NCOA7: variants seen among roughly 807,000 people sequenced by gnomAD.
The protein encoded by NCOA7 is 140 kDa estrogen receptor-associated protein.
A neutral mutation model predicts 104.3 loss-of-function variants in NCOA7; 45 were observed. That is an observed-to-expected ratio of 0.43 (90% CI 0.34 to 0.55). The LOEUF is 0.55. Ranked by LOEUF, NCOA7 falls within the 20% of genes least tolerant of loss-of-function variation. NCOA7 has a pLI of 0.02. For missense variants in NCOA7, 1,041 were observed against 1,119.7 expected (o/e 0.93, Z 1.00); for synonymous variants, 398 against 402.3 (o/e 0.99, Z 0.13).
At chr6:125,911,152 G>A (rs1427072405) in intron 10 of NCOA7, among the ~76,000 whole-genome samples, 1 of 152,216 alleles carries the variant, frequency 6.6e-6, no homozygotes, top group Non-Finnish European at 1.5e-5. Flanking sequence ...GAATGTGGAG[G>A]TCAAAAGAGC....
rs770852055 is a variant in NCOA7, at chr6:125,855,187, G to A, written c.218G>A (p.Ser73Asn). ...YMTDEKKKRK[S>N]NQLKEIRRTE... ...ACTGATGAGAAAAAAAAGAGAAAAA[G>A]TAATCAGTTAAAGGAGATCAGGCGT... Residue 73 changes from serine (S) to asparagine (N), a missense_variant, in exon 3 of 16, where the codon AGT becomes AAT. By Grantham distance (46) the Ser-to-Asn change is conservative. This residue lies in a region of NCOA7 where 914 missense variants were observed against 942.7 expected (regional missense o/e 0.97). Transcript: ENST00000392477. The A allele has an allele frequency of 9.9e-6, 16 of 1,612,868 alleles. No individual in the cohort carries two copies. Among genetic ancestry groups the A allele is most frequent in the Non-Finnish European group, 1.2e-5 (14 of 1,179,854 alleles).
intron 9 of NCOA7, 84 bp downstream of exon 9, chr6:125,890,065 CAT>C: frequency 1.2e-5 from 12 of 1,018,998 alleles, no homozygotes; most frequent in Middle Eastern, 3.3e-4. Flanking sequence ...CACATTAGTA[CAT>C]TTATTTGAAA....
intron 3 of NCOA7, among the ~76,000 whole-genome samples, chr6:125,870,951 T>G (rs1202934160): frequency 1.3e-5 from 2 of 152,150 alleles, no homozygotes; most frequent in Non-Finnish European, 2.9e-5. Context: ...GAAGGACCTG[T>G]GTTTTATTCC....
intron 2 of NCOA7, among the ~76,000 whole-genome samples, chr6:125,821,772 T>C (rs1778209035): frequency 6.6e-6 from 1 of 151,890 alleles, no homozygotes; most frequent in Non-Finnish European, 1.5e-5. Flanking sequence ...GTGATCCACT[T>C]TACTCCCTAA....
At chr6:125,901,038 A>G (rs1583498462) in intron 10 of NCOA7, among the ~76,000 whole-genome samples, 1 of 152,276 alleles carries the variant, frequency 6.6e-6, no homozygotes, top group East Asian at 1.9e-4. Flanking sequence ...TCAGAATGGA[A>G]CCCCCAGAAG....
intron 1 of NCOA7, among the ~76,000 whole-genome samples, chr6:125,806,548 C>T (rs1312874432): frequency 2.6e-5 from 4 of 151,984 alleles, no homozygotes. Flanking sequence ...CTTGATTTTC[C>T]TCTTAATAGT....
At chr6:125,852,974 G>T (rs1242993707) in intron 2 of NCOA7, among the ~76,000 whole-genome samples, 1 of 152,120 alleles carries the variant, frequency 6.6e-6, no homozygotes, top group Non-Finnish European at 1.5e-5. Flanking sequence ...AATGATGTTG[G>T]TATTTTGATA....
intron 1 of NCOA7, chr6:125,802,374 G>C (rs969336802): frequency 2.0e-5 from 3 of 152,190 alleles, no homozygotes; most frequent in Non-Finnish European, 4.4e-5. Context: ...CTTGGCAAAG[G>C]TTAAGCCGGA....
chr6:125,882,485 TGAA>T lies in NCOA7; in HGVS notation c.639_641del (p.Glu213del). On this transcript the variant is annotated inframe_deletion, in exon 7 of 16. Transcript: ENST00000392477. Reference sequence around the variant, plus strand: ...TTGAAAGAGTCTTATCGTCTACTTCTGAAGAAGATGAGCCAGGTGTGGTGAAAT... The same window carrying T: ...TTGAAAGAGTCTTATCGTCTACTTCTGAAGATGAGCCAGGTGTGGTGAAAT... 3 of 1,613,832 alleles carry T rather than the reference TGAA, an allele frequency of 1.9e-6. No homozygotes were observed. Among genetic ancestry groups the T allele is most frequent in the Non-Finnish European group, 1.7e-6 (2 of 1,179,854 alleles).
intron 4 of NCOA7, among the ~76,000 whole-genome samples, chr6:125,877,332 T>G (rs1783465852): frequency 6.6e-6 from 1 of 152,128 alleles, no homozygotes; most frequent in Admixed American, 6.5e-5. Context: ...TCCTCACATC[T>G]CCACATAATT....
chr6:125,850,017 A>C (rs1040359326), intron 2 of NCOA7, among the ~76,000 whole-genome samples: 1 of 152,184 alleles, frequency 6.6e-6, no homozygotes, highest in African/African-American at 2.4e-5. Context: ...TAAGTTAATG[A>C]TAGCAAATCC....
chr6:125,789,645 G>A (rs973444121), upstream of NCOA7, among the ~76,000 whole-genome samples: 3 of 152,112 alleles, frequency 2.0e-5, no homozygotes, highest in Admixed American at 6.5e-5. Flanking sequence ...TAAACCTGAC[G>A]TCTAAATTAA....
chr6:125,826,076 A>G (rs1778633560), intron 2 of NCOA7, among the ~76,000 whole-genome samples: 1 of 152,126 alleles, frequency 6.6e-6, no homozygotes, highest in South Asian at 2.1e-4. Flanking sequence ...CTGTAATCCT[A>G]GCACTTTGGG....
intron 10 of NCOA7, 95 bp from the exon 11 acceptor site, chr6:125,915,238 A>G: frequency 6.9e-7 from 1 of 1,442,960 alleles, no homozygotes; most frequent in South Asian, 1.4e-5. Context: ...GGATTTGCCA[A>G]GCAGGGAAAA....
rs1784509222 is a variant in NCOA7 at position 125,889,898 on chromosome 6, A to G, written c.1844A>G (p.Asp615Gly). ...GACTCCTCTTTGGAATCTACTCTGG[A>G]CAACAGCTGTCAAGGTGCACAAATG... The part of the protein sequence containing the change: ...ALDSSLESTL[D>G]NSCQGAQMDN... The change falls in exon 9 of 16, where the codon GAC (aspartate) becomes GGC (glycine). Residue 615 changes from aspartate to glycine, a missense_variant. This residue lies in a region of NCOA7 where 914 missense variants were observed against 942.7 expected (regional missense o/e 0.97). Coordinates refer to ENST00000392477, the MANE Select transcript of NCOA7 (RefSeq NM_181782.5). The G allele has an allele frequency of 1.2e-6, 2 of 1,606,802 alleles. No individual in the cohort carries two copies. The highest frequency in any genetic ancestry group is 1.3e-5 in the African/African-American group (1 of 74,514).
At chr6:125,840,868 G>GGT (rs1780075330) in intron 2 of NCOA7, among the ~76,000 whole-genome samples, 5 of 40,340 alleles carry the variant, frequency 1.2e-4, no homozygotes, top group African/African-American at 5.2e-4. Flanking sequence ...TGTTTGGTTG[G>GGT]TTTTTTTTTT....
intron 1 of NCOA7, among the ~76,000 whole-genome samples, chr6:125,807,841 A>G (rs1776601473): frequency 6.6e-6 from 1 of 152,206 alleles, no homozygotes; most frequent in African/African-American, 2.4e-5. Flanking sequence ...AGAGCAACTG[A>G]GGTTGGTCAG....
chr6:125,848,380 A>C (rs1040574542), intron 2 of NCOA7, among the ~76,000 whole-genome samples: 3 of 152,148 alleles, frequency 2.0e-5, no homozygotes, highest in Non-Finnish European at 4.4e-5. Flanking sequence ...ATTCACAATA[A>C]CAAAGACTTG....
intron 2 of NCOA7, among the ~76,000 whole-genome samples, chr6:125,824,749 C>T (rs981523756): frequency 6.6e-6 from 1 of 152,060 alleles, no homozygotes; most frequent in African/African-American, 2.4e-5. Flanking sequence ...CTCCTCTCCT[C>T]CATCTCTTTT....
Sources: allele counts gnomAD v4.1 joint callset (sites outside exome capture counted in the v4.1 genomes callset), GRCh38; gene constraint gnomAD v4.1.1; regional missense constraint gnomAD v4.1.1; transcripts MANE v1.5; gene names NCBI Gene and HGNC (gene_info 2026-07-23, HGNC 2026-07-21).